MAGI2: variants seen among roughly 807,000 people sequenced by gnomAD.
The protein encoded by MAGI2 is membrane associated guanylate kinase, WW and PDZ domain containing 2.
MAGI2 carries 35 observed loss-of-function variants against 133.3 expected under a neutral mutation model. The observed-to-expected ratio is 0.26, with a 90% CI of 0.20 to 0.35. The LOEUF (loss-of-function observed/expected upper bound fraction) is 0.35, where lower values mean the gene tolerates loss of function less well. Ranked by LOEUF, MAGI2 falls within the 10% of genes least tolerant of loss-of-function variation. The pLI is 1.00. For missense variants in MAGI2, 1,636 were observed against 1,863.4 expected (o/e 0.88, Z 2.25); for synonymous variants, 729 against 710.6 (o/e 1.03, Z -0.41).
At chr7:78,268,099 ATTCCAG>A (rs947447453) in intron 9 of MAGI2, among the ~76,000 whole-genome samples, 2 of 151,976 alleles carry the variant, frequency 1.3e-5, no homozygotes, top group African/African-American at 4.8e-5. Flanking sequence ...TATACTTTCC[ATTCCAG>A]CAAAATAAGG....
intron 6 of MAGI2, among the ~76,000 whole-genome samples, chr7:78,402,798 A>C (rs545621112): frequency 2.6e-5 from 4 of 152,178 alleles, no homozygotes; most frequent in Non-Finnish European, 5.9e-5. Flanking sequence ...CACATTAATA[A>C]ATTTATTCTC....
At chr7:78,514,883 C>G (rs1795908858) in intron 4 of MAGI2, among the ~76,000 whole-genome samples, 1 of 152,164 alleles carries the variant, frequency 6.6e-6, no homozygotes, top group Non-Finnish European at 1.5e-5. Context: ...CTGGGAGATG[C>G]AGTTCATTTG....
At chr7:79,317,562 C>A (rs1010763213) in intron 1 of MAGI2, among the ~76,000 whole-genome samples, 1 of 152,122 alleles carries the variant, frequency 6.6e-6, no homozygotes, top group East Asian at 1.9e-4. Flanking sequence ...TCAAAGTAAT[C>A]ATTTCAACAT....
chr7:79,077,992 A>T (rs1452803916), intron 1 of MAGI2, among the ~76,000 whole-genome samples: 1 of 152,150 alleles, frequency 6.6e-6, no homozygotes, highest in Non-Finnish European at 1.5e-5. Flanking sequence ...TGAAGCTTTG[A>T]ATTATACAGA....
intron 9 of MAGI2, among the ~76,000 whole-genome samples, chr7:78,295,233 C>G (rs1437047551): frequency 6.6e-6 from 1 of 152,130 alleles, no homozygotes; most frequent in Non-Finnish European, 1.5e-5. Flanking sequence ...CCTGAAAGAT[C>G]ACATTGACAA....
chr7:79,100,155 C>CT (rs907299667), intron 1 of MAGI2, among the ~76,000 whole-genome samples: 47 of 151,838 alleles, frequency 3.1e-4, no homozygotes, highest in African/African-American at 1.0e-3. Flanking sequence ...AAAGTTGCTA[C>CT]TTTTTTTTAG....
chr7:78,496,686 G>T (rs1161249573), intron 5 of MAGI2, among the ~76,000 whole-genome samples: 1 of 152,148 alleles, frequency 6.6e-6, no homozygotes, highest in Non-Finnish European at 1.5e-5. Flanking sequence ...ATGTTAATTT[G>T]TCCAAGGATG....
chr7:78,972,897 T>C (rs776093071), intron 2 of MAGI2, among the ~76,000 whole-genome samples: 9 of 151,146 alleles, frequency 6.0e-5, no homozygotes, highest in Non-Finnish European at 1.2e-4. Context: ...TTAACTGAAG[T>C]AAAGAGGAGA....
intron 1 of MAGI2, among the ~76,000 whole-genome samples, chr7:79,368,977 T>C (rs1309249772): frequency 6.6e-6 from 1 of 151,738 alleles, no homozygotes; most frequent in Non-Finnish European, 1.5e-5. Flanking sequence ...TTCTGAAGGC[T>C]AAATATTTTT....
intron 1 of MAGI2, among the ~76,000 whole-genome samples, chr7:79,425,073 CT>C (rs1400734622): frequency 1.3e-5 from 2 of 151,762 alleles, no homozygotes; most frequent in African/African-American, 4.8e-5. Flanking sequence ...GATGGTGAAA[CT>C]CCATCTCTAC....
chr7:78,114,495 C>A (rs1005908602), intron 20 of MAGI2, among the ~76,000 whole-genome samples: 3 of 152,246 alleles, frequency 2.0e-5, no homozygotes, highest in Non-Finnish European at 4.4e-5. Context: ...GCCATTCAAT[C>A]CCAGTGGCAG....
At chr7:78,306,807 T>A (rs1562794293) in intron 9 of MAGI2, among the ~76,000 whole-genome samples, 1 of 152,150 alleles carries the variant, frequency 6.6e-6, no homozygotes, top group Non-Finnish European at 1.5e-5. Flanking sequence ...ATTGGTATGG[T>A]TTTAAGAATA....
At chr7:79,305,582 C>G (rs1339507261) in intron 1 of MAGI2, among the ~76,000 whole-genome samples, 1 of 152,016 alleles carries the variant, frequency 6.6e-6, no homozygotes. Context: ...TAAGCATTTT[C>G]CATATCTTAG....
At chr7:78,166,882 C>T (rs1252734598) in intron 15 of MAGI2, among the ~76,000 whole-genome samples, 1 of 152,042 alleles carries the variant, frequency 6.6e-6, no homozygotes, top group African/African-American at 2.4e-5. Flanking sequence ...TAAGCACTGG[C>T]CTTAGAGAGA....
At chr7:78,648,126 C>A (rs988122876) in intron 2 of MAGI2, among the ~76,000 whole-genome samples, 3 of 151,908 alleles carry the variant, frequency 2.0e-5, no homozygotes, top group Admixed American at 6.6e-5. Context: ...GCACATGTAC[C>A]CTAGAATTTA....
intron 9 of MAGI2, among the ~76,000 whole-genome samples, chr7:78,304,600 C>A (rs901240691): frequency 6.6e-6 from 1 of 152,138 alleles, no homozygotes; most frequent in Non-Finnish European, 1.5e-5. Context: ...TAGCAGTAAA[C>A]AAAATAGGCA....
chr7:78,924,850 C>CTAT lies in MAGI2; in HGVS notation c.418+82239_418+82240insATA, dbSNP rs1451085439. On this transcript the variant is annotated intron_variant, in intron 2 of 21. Coordinates refer to ENST00000354212, the MANE Select transcript of MAGI2 (RefSeq NM_012301.4). ...CCCTTCTACATTATTATTATTATTA[C>CTAT]TACTATTATTATTATTATTATTATT... 3.2e-4 allele frequency among the ~76,000 whole-genome samples: 48 copies of CTAT among 147,742 alleles called. 1 individual carries two copies. Among genetic ancestry groups the CTAT allele is most frequent in the East Asian group, 1.4e-3 (7 of 5,122 alleles).
intron 2 of MAGI2, among the ~76,000 whole-genome samples, chr7:78,676,768 G>A (rs962234591): frequency 7.2e-5 from 11 of 152,148 alleles, no homozygotes; most frequent in Admixed American, 2.6e-4. Flanking sequence ...TGTGATGAAC[G>A]TGGATATTAT....
At chr7:79,408,321 TTAAGAAG>T (rs2129169234) in intron 1 of MAGI2, among the ~76,000 whole-genome samples, 1 of 152,114 alleles carries the variant, frequency 6.6e-6, no homozygotes, top group African/African-American at 2.4e-5. Flanking sequence ...AAAATATATT[TTAAGAAG>T]TAATATATCA....
Sources: gnomAD v4.1 joint callset for allele counts (sites outside exome capture counted in the v4.1 genomes callset) on GRCh38, gnomAD v4.1.1 for gene constraint, MANE v1.5 for transcripts, NCBI Gene and HGNC (gene_info 2026-07-23, HGNC 2026-07-21) for gene names.